MMP26: variants seen among roughly 807,000 people sequenced by gnomAD.
MMP26 encodes the protein matrix metallopeptidase 26, also known as matrix metalloproteinase-26.
MMP26 carries 33 observed loss-of-function variants against 31.0 expected under a neutral mutation model. The observed-to-expected ratio is 1.06, with a 90% CI of 0.81 to 1.42. MMP26 has a LOEUF of 1.42. MMP26 is among the 40% of genes most tolerant of loss of function. The probability of loss-of-function intolerance (pLI) is 0.00; values close to 1 mark genes in which losing one functional copy is unlikely to be tolerated. For missense variants in MMP26, 347 were observed against 316.1 expected, an observed-to-expected ratio of 1.10 and a Z score of -0.74; for synonymous variants, 122 against 114.9, an observed-to-expected ratio of 1.06 and a Z score of -0.40.
Position 4,991,366 on chromosome 11 carries a change from C to A in MMP26, c.470-5C>A, listed in dbSNP as rs771800206. 6.2e-7 allele frequency: 1 copy of A among 1,611,782 alleles called. No individual in the cohort carries two copies. The highest frequency in any genetic ancestry group is 8.5e-7 in the Non-Finnish European group (1 of 1,178,492). On this transcript the variant is annotated splice_polypyrimidine_tract_variant and splice_region_variant and intron_variant, in intron 5 of 7. Transcript: ENST00000380390. ...CATTGTGATCATAGCTTCTGTCGTCCACAGCCCATGAAGATGGTTGGCCCT... is the reference window on the plus strand; with the variant it reads ...CATTGTGATCATAGCTTCTGTCGTCAACAGCCCATGAAGATGGTTGGCCCT...
At chr11:4,908,473 G>GAA (rs80125653) in intron 2 of MMP26, 49 of 648,760 alleles carry the variant, frequency 7.6e-5, no homozygotes, top group East Asian at 7.4e-4. Flanking sequence ...GAACAGGATA[G>GAA]AAAAAAAAGT....
intron 2 of MMP26, among the ~76,000 whole-genome samples, chr11:4,878,681 ATACTT>A (rs1401607310): frequency 1.3e-5 from 2 of 152,156 alleles, no homozygotes; most frequent in Non-Finnish European, 2.9e-5. Context: ...AGTGAAAACT[ATACTT>A]TATTAAGATT....
chr11:4,917,384 A>G (rs1001460038), intron 2 of MMP26, among the ~76,000 whole-genome samples: 2 of 152,222 alleles, frequency 1.3e-5, no homozygotes, highest in African/African-American at 2.4e-5. Context: ...ATAAACAATG[A>G]TTACTCTTTC....
chr11:4,800,480 A>AT (rs536231844), intron 2 of MMP26, among the ~76,000 whole-genome samples: 3 of 151,776 alleles, frequency 2.0e-5, no homozygotes, highest in Admixed American at 6.6e-5. Flanking sequence ...CCCCAAAACC[A>AT]TTTTTTTCTT....
chr11:4,966,154 C>A lies in MMP26; in HGVS notation c.-144-21914C>A, dbSNP rs1846591636. ...AAGACTTTATTCATGGAGACTATGA[C>A]AATAGCTATGGGGGTGACTACTACA... On this transcript the variant is annotated intron_variant, in intron 2 of 7. Transcript: ENST00000380390. Among the ~76,000 whole-genome samples the A allele has an allele frequency of 2.0e-5, 3 of 152,188 alleles. No homozygotes were observed. The South Asian group carries it at 6.2e-4, about 32-fold the overall frequency.
intron 2 of MMP26, chr11:4,945,025 T>A (rs1333961343): frequency 1.3e-5 from 2 of 152,058 alleles, no homozygotes; most frequent in African/African-American, 4.8e-5. Context: ...GTCTCTTCAA[T>A]CACTTATAGT....
intron 2 of MMP26, among the ~76,000 whole-genome samples, chr11:4,852,143 T>G (rs953723717): frequency 6.6e-6 from 1 of 152,090 alleles, no homozygotes; most frequent in African/African-American, 2.4e-5. Flanking sequence ...GTGGCTATAC[T>G]AATATCATAT....
chr11:4,811,012 T>A (rs1460578639), intron 2 of MMP26, among the ~76,000 whole-genome samples: 1 of 152,180 alleles, frequency 6.6e-6, no homozygotes, highest in South Asian at 2.1e-4. Context: ...ATGTATATGA[T>A]AGATGGTAAT....
intron 2 of MMP26, among the ~76,000 whole-genome samples, chr11:4,902,639 T>C (rs1291265994): frequency 1.3e-5 from 2 of 152,198 alleles, no homozygotes; most frequent in Non-Finnish European, 2.9e-5. Flanking sequence ...TTTCTTCCAA[T>C]TAGCAACTTA....
intron 2 of MMP26, among the ~76,000 whole-genome samples, chr11:4,910,559 G>A (rs1850975360): frequency 6.6e-6 from 1 of 151,818 alleles, no homozygotes; most frequent in South Asian, 2.1e-4. Flanking sequence ...ATTCATCTTT[G>A]CTGACACTTT....
intron 1 of MMP26, among the ~76,000 whole-genome samples, chr11:4,713,431 A>G (rs1036100979): frequency 2.0e-5 from 3 of 152,072 alleles, no homozygotes; most frequent in African/African-American, 4.8e-5. Context: ...TCTGTGCTCC[A>G]TTGTCTCCTG....
chr11:4,719,038 A>G (rs982405934), intron 1 of MMP26: 9 of 158,620 alleles, frequency 5.7e-5, no homozygotes, highest in African/African-American at 1.9e-4. Flanking sequence ...TGATCTTAAA[A>G]TAGCACAGAT....
intron 2 of MMP26, among the ~76,000 whole-genome samples, chr11:4,971,749 T>G (rs1846669044): frequency 6.6e-6 from 1 of 152,146 alleles, no homozygotes; most frequent in Non-Finnish European, 1.5e-5. Context: ...ACAAGAAACA[T>G]GACACCAATA....
intron 1 of MMP26, among the ~76,000 whole-genome samples, chr11:4,734,084 A>G (rs1848207074): frequency 6.6e-6 from 1 of 152,060 alleles, no homozygotes; most frequent in Admixed American, 6.6e-5. Context: ...TTAATTGATG[A>G]TGTTTTCATC....
intron 1 of MMP26, among the ~76,000 whole-genome samples, chr11:4,721,007 G>A (rs1848004075): frequency 6.6e-6 from 1 of 152,192 alleles, no homozygotes; most frequent in African/African-American, 2.4e-5. Context: ...GGCACTGATA[G>A]GGACAACAAG....
intron 2 of MMP26, among the ~76,000 whole-genome samples, chr11:4,813,065 A>C (rs1849371814): frequency 6.6e-6 from 1 of 151,982 alleles, no homozygotes; most frequent in Admixed American, 6.6e-5. Context: ...ACCAATAAGT[A>C]CATTTTAATC....
chr11:4,908,212 G>T (rs371735961), intron 2 of MMP26: 1 of 1,614,094 alleles, frequency 6.2e-7, no homozygotes, highest in African/African-American at 1.3e-5. Context: ...TGTTCTTGTT[G>T]GTGCCGCCCC....
Position 4,834,032 on chromosome 11 carries a change from A to T in MMP26, c.-145+66691A>T, listed in dbSNP as rs1849682104. Among the ~76,000 whole-genome samples, 6 of 152,304 alleles carry T rather than the reference A, an allele frequency of 3.9e-5. No homozygotes were observed. The South Asian group carries it at 1.2e-3, about 32-fold the overall frequency. ...ATTAATATATCAGTTTGAACTAAAA[A>T]AAATAGTCTAAAGAAAAAGAGGTAG... On this transcript the variant is annotated intron_variant, in intron 2 of 7. Coordinates refer to ENST00000380390, the MANE Select transcript of MMP26 (RefSeq NM_021801.5).
intron 2 of MMP26, among the ~76,000 whole-genome samples, chr11:4,780,105 T>G (rs899874096): frequency 1.3e-5 from 2 of 152,174 alleles, no homozygotes; most frequent in Admixed American, 1.3e-4. Context: ...TTGTTGGTCA[T>G]TTTGTTTTTA....
Sources: allele counts gnomAD v4.1 joint callset (sites outside exome capture counted in the v4.1 genomes callset), GRCh38; gene constraint gnomAD v4.1.1; transcripts MANE v1.5; gene names NCBI Gene and HGNC (gene_info 2026-07-23, HGNC 2026-07-21).